Variants in MYCBP2 observed in about 807,000 individuals in gnomAD.
MYCBP2 encodes the protein E3 ubiquitin-protein ligase MYCBP2.
A neutral mutation model predicts 525.3 loss-of-function variants in MYCBP2; 120 were observed. The ratio of observed to expected loss-of-function variants is 0.23; its 90% CI spans 0.20 to 0.27. The LOEUF (loss-of-function observed/expected upper bound fraction) is 0.27. Among genes scored for constraint, MYCBP2 ranks in the 10% least tolerant of loss-of-function variants. The pLI is 1.00. For synonymous variants in MYCBP2, 1,894 were observed against 1,955.8 expected (o/e 0.97, Z 0.83); for missense variants, 4,149 against 5,657.1 (o/e 0.73, Z 8.55).
intron 20 of MYCBP2, among the ~76,000 whole-genome samples, chr13:77,220,065 T>C (rs1457523371): frequency 6.6e-6 from 1 of 152,184 alleles, no homozygotes; most frequent in Admixed American, 6.6e-5. Flanking sequence ...GGTATGGTGA[T>C]TTCTTACCTT....
rs545584686 is a variant in MYCBP2 at position 77,194,327 on chromosome 13, T to C, written c.3844-83A>G. 2.9e-6 allele frequency: 3 copies of C among 1,018,790 alleles called. No individual in the cohort carries two copies. In the African/African-American group the frequency reaches 4.7e-5, roughly 16 times the overall value. The allele number at this position is 1,018,790 out of a possible 1,614,324, so 63.1% of individuals were successfully genotyped here. A position where few individuals can be genotyped will look rare whatever the true frequency, so the allele number is the denominator to read the frequency against. On this transcript the variant is annotated intron_variant, in intron 26 of 82. Coordinates refer to ENST00000544440, the MANE Select transcript of MYCBP2 (RefSeq NM_015057.5). ...AATGTGTTCATAATTTTGTGCATGA[T>C]GAATGTATGCTGGACCATACCAAAT...
At chr13:77,223,050 T>A (rs1043543435) in intron 20 of MYCBP2, among the ~76,000 whole-genome samples, 1 of 152,226 alleles carries the variant, frequency 6.6e-6, no homozygotes, top group East Asian at 1.9e-4. Context: ...CCAGACTTCA[T>A]AAATACTCCT....
chr13:77,295,376 C>T lies in MYCBP2; in HGVS notation c.378+1223G>A, dbSNP rs533134922. Among the ~76,000 whole-genome samples the T allele has an allele frequency of 6.0e-4, 91 of 152,314 alleles. No individual in the cohort carries two copies. In the East Asian group the frequency reaches 0.016, roughly 27 times the overall value. On this transcript the variant is annotated intron_variant, in intron 2 of 82. Coordinates refer to ENST00000544440, the MANE Select transcript of MYCBP2 (RefSeq NM_015057.5). ...CTCGACCTCTTGACCTCGTGATCTG[C>T]CAGCCTCGGCCTCCCAAAGTGCGGG...
rs1434892130 is a variant in MYCBP2 at position 77,098,582 on chromosome 13, CAGG to C, written c.8569_8571del (p.Pro2857del). On this transcript the variant is annotated inframe_deletion, in exon 56 of 83. Coordinates refer to ENST00000544440, the MANE Select transcript of MYCBP2 (RefSeq NM_015057.5). ...CGAGGAGGATCAAGCTTTGTCTTAA[CAGG>C]AGCAGTACTTTTTTGAGGTAGATTT... 6.2e-7 allele frequency: 1 copy of C among 1,613,546 alleles called. No individual in the cohort carries two copies. The highest frequency in any genetic ancestry group is 2.2e-5 in the East Asian group (1 of 44,878).
At chr13:77,178,044 T>G (rs1377454844) in intron 34 of MYCBP2, 90 bp from the exon 35 acceptor site, 1 of 784,016 alleles carries the variant, frequency 1.3e-6, no homozygotes, top group East Asian at 2.6e-5. Flanking sequence ...AAAATAACCT[T>G]TATTTAATAA....
chr13:77,246,479 G>GAAAGAAGAAGAAGGAAGAAGGA, intron 15 of MYCBP2, among the ~76,000 whole-genome samples: 1 of 150,334 alleles, frequency 6.7e-6, no homozygotes, highest in African/African-American at 2.4e-5. Context: ...AAGAAGAGAA[G>GAAAGAAGAAGAAGGAAGAAGGA]AAAGAAGAAG....
chr13:77,201,082 A>G (rs1202706284), intron 26 of MYCBP2, among the ~76,000 whole-genome samples: 1 of 152,208 alleles, frequency 6.6e-6, no homozygotes, highest in Non-Finnish European at 1.5e-5. Context: ...GCTCCAATTA[A>G]AAGACACAGA....
chr13:77,138,603 A>G (rs554734893), intron 52 of MYCBP2, among the ~76,000 whole-genome samples: 4 of 152,334 alleles, frequency 2.6e-5, no homozygotes, highest in African/African-American at 9.6e-5. Context: ...ATACTTCATG[A>G]AGTAGCAATC....
intron 3 of MYCBP2, among the ~76,000 whole-genome samples, chr13:77,280,791 T>C (rs1371431183): frequency 6.6e-6 from 1 of 152,148 alleles, no homozygotes; most frequent in Non-Finnish European, 1.5e-5. Context: ...CCATAAAACT[T>C]TGGTCACAAT....
intron 74 of MYCBP2, 50 bp downstream of exon 74, chr13:77,062,546 G>A: frequency 6.8e-7 from 1 of 1,477,210 alleles, no homozygotes; most frequent in Non-Finnish European, 9.5e-7. Flanking sequence ...CTAAGCTAAA[G>A]CTTACTGTAA....
Position 77,164,544 on chromosome 13 carries a change from A to G in MYCBP2, c.6460-3T>C. ...TCTTTTTCCAATTGGATGACTCCCT[A>G]TGGAATTGCATAAAATTTGCTGCTT... On this transcript the variant is annotated splice_region_variant and splice_polypyrimidine_tract_variant and intron_variant, in intron 42 of 82. Coordinates refer to ENST00000544440, the MANE Select transcript of MYCBP2 (RefSeq NM_015057.5). 1 of 1,576,754 alleles carries G rather than the reference A, an allele frequency of 6.3e-7. No individual in the cohort carries two copies. Among genetic ancestry groups the G allele is most frequent in the Non-Finnish European group, 8.7e-7 (1 of 1,146,520 alleles).
At chr13:77,133,849 A>G (rs1344925564) in intron 52 of MYCBP2, among the ~76,000 whole-genome samples, 1 of 152,170 alleles carries the variant, frequency 6.6e-6, no homozygotes, top group East Asian at 1.9e-4. Context: ...CCATTCCACA[A>G]CTTATCACAA....
At chr13:77,283,829 G>A (rs1033415414) in intron 3 of MYCBP2, among the ~76,000 whole-genome samples, 23 of 152,054 alleles carry the variant, frequency 1.5e-4, no homozygotes, top group African/African-American at 4.1e-4. Context: ...CCCAGGAGGC[G>A]GAAGTTAACG....
chr13:77,180,310 C>G lies in MYCBP2; in HGVS notation c.4950G>C (p.Glu1650Asp). 6.2e-7 allele frequency: 1 copy of G among 1,614,030 alleles called. No homozygotes were observed. Among genetic ancestry groups the G allele is most frequent in the South Asian group, 1.1e-5 (1 of 91,066 alleles). The stretch of plus-strand genomic sequence containing the variant: ...GGAAGCTTGTCATCCCTGAGATATT[C>G]TCTTCACTCTGCGATACATAAGAAA... ...AHMEKLSQSE[E>D]NISGMTSFRE... The change falls in exon 34 of 83, where the codon GAG (glutamate) becomes GAC (aspartate). Residue 1650 changes from glutamate to aspartate, a missense_variant. This residue lies in a region of MYCBP2 where 292 missense variants were observed against 330.5 expected (regional missense o/e 0.88). Transcript: ENST00000544440.
intron 15 of MYCBP2, among the ~76,000 whole-genome samples, chr13:77,249,998 C>T (rs1313541248): frequency 2.0e-5 from 3 of 151,886 alleles, no homozygotes; most frequent in East Asian, 1.9e-4. Context: ...CCGAGGCGGG[C>T]GGATCACGAG....
rs148659498 is a variant in MYCBP2 at position 77,187,701 on chromosome 13, T to C, written c.4251+1250A>G. ...TATCGTAAGAAACAAGCAAGCATGT[T>C]GTAGAGCATCCTGTATTTGATACGT... is the stretch of plus-strand genomic sequence containing the variant. On this transcript the variant is annotated intron_variant, in intron 30 of 82. Transcript: ENST00000544440. Among the ~76,000 whole-genome samples, 157 of 152,292 alleles carry C rather than the reference T, an allele frequency of 1.0e-3. 1 individual carries two copies. Among genetic ancestry groups the C allele is most frequent in the Middle Eastern group, 3.4e-3 (1 of 294 alleles).
intron 14 of MYCBP2, among the ~76,000 whole-genome samples, chr13:77,252,355 C>T (rs1469801777): frequency 2.0e-5 from 3 of 152,178 alleles, no homozygotes; most frequent in Non-Finnish European, 4.4e-5. Context: ...CTGCAGACCT[C>T]TGCTCTAGAA....
intron 40 of MYCBP2, among the ~76,000 whole-genome samples, chr13:77,167,605 A>T (rs1381242210): frequency 1.3e-5 from 2 of 152,218 alleles, no homozygotes; most frequent in African/African-American, 4.8e-5. Flanking sequence ...ATTATTAAAA[A>T]TTTACATGAT....
At position 77,082,919 on chromosome 13, in the gene MYCBP2, T is replaced by C. The variant is rs145948114; in HGVS notation, c.11036+113A>G. ...AAGGAGGGAGGCACCATCTATATAATGTAGGGATTCTATCTTACTATTTAA... is the reference window on the plus strand; with the variant it reads ...AAGGAGGGAGGCACCATCTATATAACGTAGGGATTCTATCTTACTATTTAA... On this transcript the variant is annotated intron_variant, in intron 63 of 82. Transcript: ENST00000544440. 659 of 1,002,134 alleles carry C rather than the reference T, an allele frequency of 6.6e-4. 9 individuals are homozygous for C. The African/African-American group carries it at 9.9e-3, about 15-fold the overall frequency. The allele number at this position is 1,002,134 out of a possible 1,614,324, so 62.1% of individuals were successfully genotyped here.
Sources: gnomAD v4.1 joint callset for allele counts (sites outside exome capture counted in the v4.1 genomes callset) on GRCh38, gnomAD v4.1.1 for gene constraint, gnomAD v4.1.1 regional missense constraint, MANE v1.5 for transcripts, NCBI Gene and HGNC (gene_info 2026-07-23, HGNC 2026-07-21) for gene names.